SPATA17: variants seen among roughly 807,000 people sequenced by gnomAD.
SPATA17 encodes the protein spermatogenesis-associated protein 17.
A neutral mutation model predicts 62.2 loss-of-function variants in SPATA17; 53 were observed. The observed-to-expected ratio is 0.85, with a 90% CI of 0.68 to 1.07. The LOEUF is 1.07. Ranked by LOEUF, SPATA17 falls within the 50% of genes least tolerant of loss-of-function variation. The pLI is 0.00. For synonymous variants in SPATA17, 146 were observed against 146.8 expected (o/e 0.99, Z 0.04); for missense variants, 466 against 425.5 (o/e 1.10, Z -0.84).
chr1:217,821,588 G>A (rs1674863616), intron 9 of SPATA17, among the ~76,000 whole-genome samples: 1 of 152,042 alleles, frequency 6.6e-6, no homozygotes, highest in South Asian at 2.1e-4. Context: ...AATTTTAAAG[G>A]AGATACCAAG....
chr1:217,707,603 G>A lies in SPATA17; in HGVS notation c.395+24242G>A, dbSNP rs1315578729. 2.0e-5 allele frequency among the ~76,000 whole-genome samples: 3 copies of A among 152,060 alleles called. No individual in the cohort carries two copies. In the East Asian group the frequency reaches 5.8e-4, roughly 29 times the overall value. ...CTTAGATTTCCACACAATAATACTG[G>A]GAGACATCAACATCCCACTGACAGT... On this transcript the variant is annotated intron_variant, in intron 5 of 10. Transcript: ENST00000366933.
intron 6 of SPATA17, 128 bp from the exon 7 acceptor site, chr1:217,774,206 C>T: frequency 1.4e-6 from 1 of 725,210 alleles, no homozygotes; most frequent in South Asian, 2.1e-5. Flanking sequence ...AAGTCCACCT[C>T]TGGTTAAGAA....
intron 5 of SPATA17, among the ~76,000 whole-genome samples, chr1:217,701,136 A>G (rs1019828629): frequency 5.4e-5 from 8 of 146,908 alleles, no homozygotes; most frequent in African/African-American, 2.0e-4. Context: ...CACCACGCCT[A>G]GCTAGTTTTT....
intron 9 of SPATA17, among the ~76,000 whole-genome samples, chr1:217,830,058 T>A (rs1174441482): frequency 6.6e-6 from 1 of 152,102 alleles, no homozygotes; most frequent in East Asian, 1.9e-4. Context: ...TAAAATTTAT[T>A]CAAAAAATTA....
intron 9 of SPATA17, chr1:217,850,422 C>A: frequency 7.8e-7 from 1 of 1,277,506 alleles, no homozygotes; most frequent in Non-Finnish European, 1.1e-6. Flanking sequence ...ATCTCAGACG[C>A]TGGACCAGGT....
chr1:217,643,582 C>T (rs996151374), intron 1 of SPATA17, among the ~76,000 whole-genome samples: 10 of 152,138 alleles, frequency 6.6e-5, no homozygotes, highest in African/African-American at 2.4e-4. Context: ...CTGTGACTTC[C>T]TCCTCCCACA....
intron 10 of SPATA17, among the ~76,000 whole-genome samples, chr1:217,865,041 A>T (rs1301129487): frequency 6.6e-6 from 1 of 152,086 alleles, no homozygotes; most frequent in Non-Finnish European, 1.5e-5. Flanking sequence ...CTTTTCTTTG[A>T]TAGGAAATGA....
chr1:217,859,715 A>G (rs76442498), intron 9 of SPATA17, among the ~76,000 whole-genome samples: 4,333 of 152,142 alleles, frequency 0.028, 204 homozygotes, highest in African/African-American at 0.099. Flanking sequence ...CATAATATTT[A>G]TCTTTTTAAC....
chr1:217,764,309 C>T (rs111387171), intron 6 of SPATA17, among the ~76,000 whole-genome samples: 6 of 152,320 alleles, frequency 3.9e-5, no homozygotes, highest in Admixed American at 1.3e-4. Flanking sequence ...AGTTTTCTCT[C>T]TTCCAGAATG....
intron 5 of SPATA17, among the ~76,000 whole-genome samples, chr1:217,711,832 C>G (rs1671871879): frequency 6.6e-6 from 1 of 152,264 alleles, no homozygotes; most frequent in African/African-American, 2.4e-5. Flanking sequence ...TTCAACTAGG[C>G]TGATGGGTTG....
At chr1:217,833,123 C>T (rs1675183052) in intron 9 of SPATA17, among the ~76,000 whole-genome samples, 1 of 151,900 alleles carries the variant, frequency 6.6e-6, no homozygotes, top group Non-Finnish European at 1.5e-5. Flanking sequence ...ATATCATGAC[C>T]TCATAAGAGA....
intron 9 of SPATA17, among the ~76,000 whole-genome samples, chr1:217,804,483 A>G (rs1674385883): frequency 6.6e-6 from 1 of 152,220 alleles, no homozygotes; most frequent in African/African-American, 2.4e-5. Flanking sequence ...GGTCTAAGCA[A>G]TTATTTTTTG....
At chr1:217,793,462 C>T (rs1374463469) in intron 8 of SPATA17, among the ~76,000 whole-genome samples, 6 of 152,052 alleles carry the variant, frequency 3.9e-5, no homozygotes, top group South Asian at 2.1e-4. Flanking sequence ...CCTCGTGATC[C>T]GCCCGCCTCG....
chr1:217,690,090 A>T (rs1205004429), intron 5 of SPATA17, among the ~76,000 whole-genome samples: 1 of 152,052 alleles, frequency 6.6e-6, no homozygotes, highest in African/African-American at 2.4e-5. Flanking sequence ...TTTAGTAGAG[A>T]CAGGGTTTCA....
chr1:217,810,448 C>T (rs1394146520), intron 9 of SPATA17, among the ~76,000 whole-genome samples: 2 of 151,896 alleles, frequency 1.3e-5, no homozygotes, highest in Admixed American at 1.3e-4. Context: ...ATAGTGAAAC[C>T]CCATCTCTAC....
At chr1:217,656,604 A>G (rs903173754) in intron 3 of SPATA17, among the ~76,000 whole-genome samples, 1 of 151,802 alleles carries the variant, frequency 6.6e-6, no homozygotes, top group Non-Finnish European at 1.5e-5. Flanking sequence ...GCCATTGTGT[A>G]CACACTGCCT....
intron 1 of SPATA17, among the ~76,000 whole-genome samples, chr1:217,648,288 A>T (rs1409899972): frequency 1.3e-5 from 2 of 152,070 alleles, no homozygotes; most frequent in Non-Finnish European, 2.9e-5. Context: ...ATTTGTGTGA[A>T]TTCTCCCTAT....
intron 1 of SPATA17, among the ~76,000 whole-genome samples, chr1:217,640,287 AG>A (rs572057267): frequency 4.3e-4 from 66 of 152,216 alleles, no homozygotes; most frequent in African/African-American, 1.5e-3. Flanking sequence ...TTGCAAAGGA[AG>A]AAGTAAAATT....
At chr1:217,850,530 C>T (rs1675626600) in intron 9 of SPATA17, 1 of 1,583,828 alleles carries the variant, frequency 6.3e-7, no homozygotes, top group Non-Finnish European at 8.7e-7. Context: ...GGGGAGGATG[C>T]CTTCCTTATC....
Sources: allele counts gnomAD v4.1 joint callset (sites outside exome capture counted in the v4.1 genomes callset), GRCh38; gene constraint gnomAD v4.1.1; transcripts MANE v1.5; gene names NCBI Gene and HGNC (gene_info 2026-07-23, HGNC 2026-07-21).